The following SMC5 variants were observed in gnomAD, a reference collection of about 807,000 sequenced individuals.
SMC5 encodes structural maintenance of chromosomes protein 5.
A neutral mutation model predicts 148.3 loss-of-function variants in SMC5; 88 were observed. That is an observed-to-expected ratio of 0.59 (90% CI 0.50 to 0.71). The LOEUF (loss-of-function observed/expected upper bound fraction) is 0.71. Among genes scored for constraint, SMC5 ranks in the 30% least tolerant of loss-of-function variants. SMC5 has a pLI of 0.00. For synonymous variants in SMC5, 421 were observed against 432.8 expected, an observed-to-expected ratio of 0.97 and a Z score of 0.34; for missense variants, 1,142 against 1,298.9, an observed-to-expected ratio of 0.88 and a Z score of 1.86.
intron 9 of SMC5, 99 bp downstream of exon 9, chr9:70,298,320 C>A: frequency 7.5e-7 from 1 of 1,333,128 alleles, no homozygotes; most frequent in Non-Finnish European, 1.0e-6. Context: ...ATAAAATGTT[C>A]AAGTTGCCTT....
chr9:70,332,156 C>A (rs78737786), intron 17 of SMC5, among the ~76,000 whole-genome samples: 10,505 of 152,098 alleles, frequency 0.069, 579 homozygotes, highest in East Asian at 0.22. Context: ...AATTTAATTT[C>A]TCATTAAAAA....
At chr9:70,351,511 T>TA (rs2036803681) in intron 24 of SMC5, among the ~76,000 whole-genome samples, 1 of 152,130 alleles carries the variant, frequency 6.6e-6, no homozygotes, top group Admixed American at 6.5e-5. Context: ...ATGTCCCTGT[T>TA]ACACACTTTT....
chr9:70,318,582 T>C lies in SMC5; in HGVS notation c.1875T>C (p.Phe625=). Residue 625 remains phenylalanine, a synonymous_variant, in exon 14 of 25, where the codon TTT becomes TTC. Transcript: ENST00000361138. ...AAAAGTATGTGGTGAAAACTTCTTT[T>C]TATTCAAACAAAGTTATTTCTAGTA... ...AEEKYVVKTS[F]YSNKVISSNT... The C allele has an allele frequency of 1.2e-6, 2 of 1,612,682 alleles. No homozygotes were observed. Among genetic ancestry groups the C allele is most frequent in the Non-Finnish European group, 1.7e-6 (2 of 1,179,294 alleles).
chr9:70,285,579 AT>A (rs556320027), intron 7 of SMC5, among the ~76,000 whole-genome samples: 26 of 152,178 alleles, frequency 1.7e-4, no homozygotes, highest in Non-Finnish European at 3.5e-4. Context: ...CACTCCCAAA[AT>A]CCAAATTTCC....
At chr9:70,315,238 G>C (rs893639446) in intron 12 of SMC5, among the ~76,000 whole-genome samples, 1 of 151,826 alleles carries the variant, frequency 6.6e-6, no homozygotes, top group Non-Finnish European at 1.5e-5. Context: ...AATTTAAAAA[G>C]AGTAGTTTGT....
chr9:70,298,079 C>A lies in SMC5; in HGVS notation c.1167C>A (p.Thr389=), dbSNP rs755153633. The change falls in exon 9 of 25, where the codon ACC becomes ACA. Residue 389 remains threonine (T), a synonymous_variant. Coordinates refer to ENST00000361138, the MANE Select transcript of SMC5 (RefSeq NM_015110.4). Reference sequence around the variant, plus strand: ...AGGATTTGCAAAATGAACTAAAGACCACGGAAAACTGCGAGAATCTTCAGC... The same window carrying A: ...AGGATTTGCAAAATGAACTAAAGACAACGGAAAACTGCGAGAATCTTCAGC... The part of the protein sequence containing the change: ...MIEDLQNELK[T]TENCENLQPQ... 1 of 1,613,916 alleles carries A rather than the reference C, an allele frequency of 6.2e-7. No individual in the cohort carries two copies.
intron 11 of SMC5, among the ~76,000 whole-genome samples, chr9:70,306,303 A>G (rs565192157): frequency 5.3e-5 from 8 of 152,304 alleles, no homozygotes; most frequent in African/African-American, 1.9e-4. Context: ...AATCAGCTCA[A>G]GTGGTCCTCT....
At chr9:70,324,926 G>A (rs1420797135) in intron 17 of SMC5, among the ~76,000 whole-genome samples, 2 of 152,142 alleles carry the variant, frequency 1.3e-5, no homozygotes, top group Non-Finnish European at 2.9e-5. Flanking sequence ...CTCTTTTCTT[G>A]TGCAGTTAGG....
At chr9:70,285,120 C>G (rs2034860829) in intron 7 of SMC5, among the ~76,000 whole-genome samples, 1 of 152,092 alleles carries the variant, frequency 6.6e-6, no homozygotes, top group African/African-American at 2.4e-5. Context: ...TTACTAGCAT[C>G]AGAAAATTAA....
At chr9:70,348,943 A>T (rs1043221706) in intron 22 of SMC5, among the ~76,000 whole-genome samples, 32 of 152,232 alleles carry the variant, frequency 2.1e-4, no homozygotes, top group Non-Finnish European at 4.6e-4. Flanking sequence ...TCAAAAAAAA[A>T]GTAACTACTA....
chr9:70,280,662 T>C, intron 5 of SMC5, 97 bp from the exon 6 acceptor site: 1 of 1,128,274 alleles, frequency 8.9e-7, no homozygotes, highest in Non-Finnish European at 1.3e-6. Flanking sequence ...AATTCTTTAT[T>C]GTGAAATTTT....
intron 3 of SMC5, among the ~76,000 whole-genome samples, chr9:70,269,805 A>G (rs1230651725): frequency 2.6e-5 from 4 of 152,240 alleles, no homozygotes; most frequent in Non-Finnish European, 4.4e-5. Context: ...TGATTTAAAA[A>G]TAAGCGTGAT....
At position 70,315,470 on chromosome 9, in the gene SMC5, G is replaced by T; in HGVS notation, c.1698G>T (p.Leu566Phe). The change falls in exon 13 of 25, where the codon TTG becomes TTT. Residue 566 changes from leucine (L) to phenylalanine (F), a missense_variant. Transcript: ENST00000361138. The part of the protein sequence containing the change: ...ELKQYGFFSY[L>F]RELFDAPDPV... Reference sequence around the variant, plus strand: ...GACAATACGGATTTTTCTCTTATTTGAGAGAATTATTTGATGCACCTGATC... The same window carrying T: ...GACAATACGGATTTTTCTCTTATTTTAGAGAATTATTTGATGCACCTGATC... 6.3e-7 allele frequency: 1 copy of T among 1,588,078 alleles called. No individual in the cohort carries two copies. The highest frequency in any genetic ancestry group is 8.6e-7 in the Non-Finnish European group (1 of 1,165,376).
At chr9:70,342,084 T>C (rs2118797764) in intron 17 of SMC5, among the ~76,000 whole-genome samples, 2 of 151,372 alleles carry the variant, frequency 1.3e-5, no homozygotes, top group South Asian at 4.2e-4. Context: ...TTCATGTCCT[T>C]TGTAGGGACA....
At chr9:70,267,359 A>G (rs1341464272) in intron 2 of SMC5, among the ~76,000 whole-genome samples, 1 of 152,174 alleles carries the variant, frequency 6.6e-6, no homozygotes, top group Non-Finnish European at 1.5e-5. Context: ...AGAAACTAGC[A>G]CAGATATGTC....
chr9:70,282,347 C>T (rs1447237956), intron 6 of SMC5, 75 bp from the exon 7 acceptor site: 6 of 1,406,262 alleles, frequency 4.3e-6, no homozygotes, highest in Admixed American at 2.7e-5. Context: ...TTGGTTTCTG[C>T]CTGTATCTTG....
chr9:70,275,333 A>G (rs1008258404), intron 3 of SMC5, among the ~76,000 whole-genome samples: 1 of 151,854 alleles, frequency 6.6e-6, no homozygotes, highest in Non-Finnish European at 1.5e-5. Context: ...GCCTCAGCCT[A>G]CAGGCACTCA....
At chr9:70,260,341 A>G (rs1370891532) in intron 1 of SMC5, among the ~76,000 whole-genome samples, 4 of 152,152 alleles carry the variant, frequency 2.6e-5, no homozygotes, top group African/African-American at 7.2e-5. Context: ...TTTTGACCTC[A>G]GGTGATCTGC....
At chr9:70,290,841 C>T (rs563722657) in intron 8 of SMC5, among the ~76,000 whole-genome samples, 10 of 152,238 alleles carry the variant, frequency 6.6e-5, no homozygotes, top group Admixed American at 1.3e-4. Context: ...AAGTAAGCAC[C>T]GCCAGCAAGT....
Sources: allele counts gnomAD v4.1 joint callset (sites outside exome capture counted in the v4.1 genomes callset), GRCh38; gene constraint gnomAD v4.1.1; transcripts MANE v1.5; gene names NCBI Gene and HGNC (gene_info 2026-07-23, HGNC 2026-07-21).